RGS12: variants seen among roughly 807,000 people sequenced by gnomAD.
The protein encoded by RGS12 is regulator of G protein signaling 12.
Under a neutral mutation model 120.1 loss-of-function variants are expected in RGS12, and 66 were observed. The ratio of observed to expected loss-of-function variants is 0.55; its 90% CI spans 0.45 to 0.67. RGS12 has a LOEUF of 0.67. RGS12 is among the 30% of genes least tolerant of loss of function. The pLI is 0.00. For missense variants in RGS12, 1,859 were observed against 1,957.7 expected, an observed-to-expected ratio of 0.95 and a Z score of 0.95; for synonymous variants, 827 against 804.7, an observed-to-expected ratio of 1.03 and a Z score of -0.47.
chr4:3,363,268 A>G (rs1335244855), intron 3 of RGS12, among the ~76,000 whole-genome samples: 2 of 152,142 alleles, frequency 1.3e-5, no homozygotes, highest in Non-Finnish European at 1.5e-5. Flanking sequence ...ATTTCTGCAA[A>G]GTGGCATTAT....
chr4:3,439,354 C>A, intron 17 of RGS12, 101 bp from the exon 18 acceptor site: 1 of 1,175,370 alleles, frequency 8.5e-7, no homozygotes. Flanking sequence ...TTCAGGGACC[C>A]CTACCATGCT....
chr4:3,306,331 G>A (rs1723964170), intron 1 of RGS12, among the ~76,000 whole-genome samples: 1 of 152,246 alleles, frequency 6.6e-6, no homozygotes, highest in South Asian at 2.1e-4. Context: ...AGTGGCAGGA[G>A]GTGCGATGAC....
At chr4:3,429,817 CT>C (rs1388165979) in intron 16 of RGS12, among the ~76,000 whole-genome samples, 2 of 152,242 alleles carry the variant, frequency 1.3e-5, no homozygotes, top group South Asian at 2.1e-4. Flanking sequence ...TGTTGCCCCC[CT>C]CTGCCCTAGG....
intron 1 of RGS12, among the ~76,000 whole-genome samples, chr4:3,309,081 G>C (rs1230572585): frequency 1.6e-5 from 2 of 125,436 alleles, no homozygotes; most frequent in Admixed American, 1.6e-4. Flanking sequence ...TGGGACTCGG[G>C]AATGGCAGGT....
intron 3 of RGS12, among the ~76,000 whole-genome samples, chr4:3,359,005 TTCTTCCTCCTCCTCCCCTCCCCC>T (rs1279785369): frequency 6.2e-5 from 2 of 32,320 alleles, no homozygotes; most frequent in Non-Finnish European, 1.1e-4. Flanking sequence ...CCCCCTCCCC[TTCTTCCTCCTCCTCCCCTCCCCC>T]TCTTCCTCCT....
At chr4:3,350,768 C>T (rs115767287) in intron 3 of RGS12, among the ~76,000 whole-genome samples, 4,717 of 152,300 alleles carry the variant, frequency 0.031, 222 homozygotes, top group African/African-American at 0.1. Flanking sequence ...ATATATTTTA[C>T]ATGAGTGCTT....
At chr4:3,368,486 A>AGGTGCCTGTGTGTGTGTG (rs1229147425) in intron 3 of RGS12, among the ~76,000 whole-genome samples, 1 of 42,252 alleles carries the variant, frequency 2.4e-5, no homozygotes, top group Non-Finnish European at 4.5e-5. Context: ...CCTGTGTGTG[A>AGGTGCCTGTGTGTGTGTG]GGTGCCTGTG....
At chr4:3,288,394 CACT>C (rs1197079549), upstream of RGS12, among the ~76,000 whole-genome samples, 3 of 152,168 alleles carry the variant, frequency 2.0e-5, no homozygotes, top group East Asian at 5.8e-4. This position sits in a 1 kb window ranked among gnomAD's most constrained non-coding sequence, Gnocchi z 5.2. Flanking sequence ...TGGCCACCAG[CACT>C]CCCCTCTGGG....
At chr4:3,356,435 T>C (rs1578805358) in intron 3 of RGS12, among the ~76,000 whole-genome samples, 1 of 152,120 alleles carries the variant, frequency 6.6e-6, no homozygotes, top group African/African-American at 2.4e-5. Flanking sequence ...AGTTCAGTGT[T>C]ATTAAACTCT....
At chr4:3,428,513 G>A (rs373234109) in intron 15 of RGS12, 45 bp from the exon 16 acceptor site, 71 of 1,487,450 alleles carry the variant, frequency 4.8e-5, no homozygotes, top group Middle Eastern at 1.9e-4. Context: ...ATGTATTGTC[G>A]TGTATTGAAA....
At chr4:3,313,482 C>CA (rs1247840858) in intron 1 of RGS12, among the ~76,000 whole-genome samples, 2 of 152,224 alleles carry the variant, frequency 1.3e-5, no homozygotes, top group Non-Finnish European at 2.9e-5. Flanking sequence ...TCACCCGTGA[C>CA]AAAGTGATTC....
At chr4:3,391,310 C>T (rs901443668) in intron 4 of RGS12, among the ~76,000 whole-genome samples, 5 of 152,158 alleles carry the variant, frequency 3.3e-5, no homozygotes, top group African/African-American at 7.2e-5. Context: ...GGATGCCTTC[C>T]GATGTACTTG....
chr4:3,385,917 G>A (rs1178200222), intron 3 of RGS12: 1 of 167,882 alleles, frequency 6.0e-6, no homozygotes, highest in Middle Eastern at 2.7e-3. Flanking sequence ...CACTCCTGTG[G>A]GAGGGCAGTG....
chr4:3,438,070 G>A (rs904876483), intron 17 of RGS12, among the ~76,000 whole-genome samples: 2 of 152,260 alleles, frequency 1.3e-5, no homozygotes, highest in African/African-American at 2.4e-5. Context: ...CCAGGCCTTC[G>A]ATTCACCTGT....
At chr4:3,364,920 G>T (rs1331328987) in intron 3 of RGS12, among the ~76,000 whole-genome samples, 1 of 152,042 alleles carries the variant, frequency 6.6e-6, no homozygotes, top group African/African-American at 2.4e-5. Context: ...GCGAGAGGAG[G>T]CTGGGCAGGG....
At chr4:3,320,417 G>A (rs1288915506) in intron 2 of RGS12, among the ~76,000 whole-genome samples, 2 of 152,182 alleles carry the variant, frequency 1.3e-5, no homozygotes, top group Non-Finnish European at 2.9e-5. Context: ...AAATAACGGT[G>A]TGGCGGTCAC....
chr4:3,309,626 C>T (rs1290728020), intron 1 of RGS12, among the ~76,000 whole-genome samples: 44 of 91,394 alleles, frequency 4.8e-4, no homozygotes, highest in African/African-American at 6.5e-4. Context: ...GGCAGGTGTC[C>T]GCTGAGGGGA....
At chr4:3,430,125 A>G (rs900396024) in intron 16 of RGS12, among the ~76,000 whole-genome samples, 5 of 152,202 alleles carry the variant, frequency 3.3e-5, no homozygotes, top group African/African-American at 1.2e-4. Flanking sequence ...AACCGTGTTG[A>G]GTCAAGCGTC....
upstream of RGS12, among the ~76,000 whole-genome samples, chr4:3,290,552 G>A (rs1392860568): frequency 6.6e-6 from 1 of 152,226 alleles, no homozygotes; most frequent in African/African-American, 2.4e-5. Context: ...GAATGTGGGG[G>A]GACGCCCCCA....
Sources: gnomAD v4.1 joint callset for allele counts (sites outside exome capture counted in the v4.1 genomes callset) on GRCh38, gnomAD v4.1.1 for gene constraint, Gnocchi (gnomAD v3.1) non-coding constraint, MANE v1.5 for transcripts, NCBI Gene and HGNC (gene_info 2026-07-23, HGNC 2026-07-21) for gene names.